The following EPHA6 variants were observed in gnomAD, a reference collection of about 807,000 sequenced individuals.
EPHA6 encodes ephrin type-A receptor 6.
EPHA6 carries 50 observed loss-of-function variants against 112.0 expected under a neutral mutation model. The ratio of observed to expected loss-of-function variants is 0.45; its 90% CI spans 0.36 to 0.56. The LOEUF is 0.56. Ranked by LOEUF, EPHA6 falls within the 20% of genes least tolerant of loss-of-function variation. EPHA6 has a pLI of 0.00. For synonymous variants in EPHA6, 529 were observed against 490.7 expected, an observed-to-expected ratio of 1.08 and a Z score of -1.03; for missense variants, 1,280 against 1,417.4, an observed-to-expected ratio of 0.90 and a Z score of 1.56.
chr3:97,425,106 T>C (rs1229889159), intron 6 of EPHA6, among the ~76,000 whole-genome samples: 1 of 152,172 alleles, frequency 6.6e-6, no homozygotes, highest in Non-Finnish European at 1.5e-5. Context: ...TATCACAGGC[T>C]GGCGTTGAGT....
chr3:96,874,067 C>T (rs1052213540), intron 2 of EPHA6, among the ~76,000 whole-genome samples: 1 of 152,024 alleles, frequency 6.6e-6, no homozygotes, highest in African/African-American at 2.4e-5. Context: ...TTAGTCATTA[C>T]GGTATAGCTA....
chr3:96,871,933 A>C (rs933714875), intron 2 of EPHA6, among the ~76,000 whole-genome samples: 4 of 151,998 alleles, frequency 2.6e-5, no homozygotes, highest in African/African-American at 7.3e-5. Context: ...AAGATGCTGA[A>C]TCGAATTAAC....
chr3:96,955,707 G>T (rs186402316), intron 2 of EPHA6, among the ~76,000 whole-genome samples: 1 of 152,234 alleles, frequency 6.6e-6, no homozygotes, highest in Admixed American at 6.5e-5. Flanking sequence ...AACCTTCACG[G>T]ATGGAATTCA....
Position 97,638,035 on chromosome 3 carries a change from C to G in EPHA6, c.2737C>G (p.Leu913Val). The G allele has an allele frequency of 6.2e-7, 1 of 1,613,876 alleles. No homozygotes were observed. Among genetic ancestry groups the G allele is most frequent in the Non-Finnish European group, 8.5e-7 (1 of 1,179,852 alleles). ...NLVCKVSDFG[L>V]SRVLEDDPEA... ...AGTATGCAAAGTTTCTGATTTTGGT[C>G]TCTCCAGAGTGCTGGAAGATGATCC... Residue 913 changes from leucine to valine, a missense_variant, in exon 14 of 18, where the codon CTC becomes GTC. Physicochemically the swap from Leu to Val is conservative, Grantham distance 32. Transcript: ENST00000389672.
chr3:97,320,816 C>CAAAAAAAAAAA (rs1294813082), intron 5 of EPHA6, among the ~76,000 whole-genome samples: 2 of 93,994 alleles, frequency 2.1e-5, no homozygotes, highest in African/African-American at 8.8e-5. Flanking sequence ...TCTCTGGGGG[C>CAAAAAAAAAAA]AAAAAATAAA....
At chr3:97,598,050 T>C (rs940541998) in intron 12 of EPHA6, among the ~76,000 whole-genome samples, 21 of 152,156 alleles carry the variant, frequency 1.4e-4, no homozygotes, top group Non-Finnish European at 2.4e-4. Flanking sequence ...TATGATCAAA[T>C]TGCACTTCAG....
intron 6 of EPHA6, among the ~76,000 whole-genome samples, chr3:97,426,226 A>G (rs1000290137): frequency 1.3e-5 from 2 of 152,224 alleles, no homozygotes; most frequent in Non-Finnish European, 2.9e-5. Context: ...TAACTTATAA[A>G]GGAAACTTAT....
At chr3:97,200,883 G>A (rs569938640) in intron 3 of EPHA6, among the ~76,000 whole-genome samples, 68 of 152,250 alleles carry the variant, frequency 4.5e-4, no homozygotes, top group Non-Finnish European at 8.1e-4. Flanking sequence ...GGCAGAGAAA[G>A]GGCAGATGTG....
At chr3:96,818,940 A>G (rs1307857184) in intron 1 of EPHA6, among the ~76,000 whole-genome samples, 1 of 151,950 alleles carries the variant, frequency 6.6e-6, no homozygotes, top group Non-Finnish European at 1.5e-5. Context: ...TTATACATTT[A>G]CAATATAAAA....
At chr3:97,144,428 C>T (rs1200775828) in intron 3 of EPHA6, among the ~76,000 whole-genome samples, 2 of 150,124 alleles carry the variant, frequency 1.3e-5, no homozygotes, top group East Asian at 1.9e-4. Flanking sequence ...TACCATATTC[C>T]TCAGAGGCAA....
chr3:96,929,842 T>C (rs2040225145), intron 2 of EPHA6, among the ~76,000 whole-genome samples: 1 of 152,190 alleles, frequency 6.6e-6, no homozygotes. Flanking sequence ...TCCATTCTCC[T>C]TGTCTCTTTC....
At position 97,032,093 on chromosome 3, in the gene EPHA6, T is replaced by C. The variant is rs563481469; in HGVS notation, c.1114+44100T>C. Among the ~76,000 whole-genome samples, 44 of 152,198 alleles carry C rather than the reference T, an allele frequency of 2.9e-4. No homozygotes were observed. The South Asian group carries it at 7.3e-3, about 25-fold the overall frequency. ...CTGGATTAAGAAAATGTGGCACATA[T>C]ACACCATGGAATACTATGCAGCCAT... On this transcript the variant is annotated intron_variant, in intron 3 of 17. Transcript: ENST00000389672.
chr3:97,640,652 T>C (rs2093994451), intron 14 of EPHA6, among the ~76,000 whole-genome samples: 1 of 151,320 alleles, frequency 6.6e-6, no homozygotes, highest in Admixed American at 6.6e-5. Flanking sequence ...TGGTGGCGCA[T>C]GCCTGTAATC....
chr3:97,488,783 C>T (rs1433846329), intron 10 of EPHA6, among the ~76,000 whole-genome samples: 1 of 152,206 alleles, frequency 6.6e-6, no homozygotes, highest in Non-Finnish European at 1.5e-5. Context: ...GTAGAGGTCA[C>T]ATTCATTTTC....
chr3:97,228,355 A>G (rs1020910874), intron 4 of EPHA6, among the ~76,000 whole-genome samples: 4 of 151,960 alleles, frequency 2.6e-5, no homozygotes, highest in African/African-American at 9.7e-5. Context: ...ATTCCATTAT[A>G]TCATTCTTAT....
chr3:97,324,819 C>T (rs186302398), intron 5 of EPHA6, among the ~76,000 whole-genome samples: 52 of 152,110 alleles, frequency 3.4e-4, no homozygotes, highest in African/African-American at 1.1e-3. Flanking sequence ...GGATTACAGA[C>T]GTGAGCCACT....
chr3:97,472,808 T>C (rs1016423020), intron 7 of EPHA6, among the ~76,000 whole-genome samples: 7 of 151,802 alleles, frequency 4.6e-5, no homozygotes, highest in African/African-American at 1.2e-4. Flanking sequence ...ATGATTGTTG[T>C]AGGGTAACCA....
chr3:96,977,921 G>T (rs2042597703), intron 2 of EPHA6, among the ~76,000 whole-genome samples: 1 of 152,092 alleles, frequency 6.6e-6, no homozygotes, highest in Non-Finnish European at 1.5e-5. Context: ...AAGTTTGAGA[G>T]GCCAAGGCAG....
At chr3:96,834,364 C>T (rs766975131) in intron 1 of EPHA6, among the ~76,000 whole-genome samples, 1 of 151,716 alleles carries the variant, frequency 6.6e-6, no homozygotes, top group Non-Finnish European at 1.5e-5. Context: ...TCATGTGTAA[C>T]CTAGGTTTTC....
Sources: allele counts gnomAD v4.1 joint callset (sites outside exome capture counted in the v4.1 genomes callset), GRCh38; gene constraint gnomAD v4.1.1; transcripts MANE v1.5; gene names NCBI Gene and HGNC (gene_info 2026-07-23, HGNC 2026-07-21).